BATF: variants seen among roughly 807,000 people sequenced by gnomAD.
BATF encodes the protein basic leucine zipper ATF-like transcription factor, also known as basic leucine zipper transcriptional factor ATF-like.
In BATF, 5 loss-of-function variants were observed where a neutral mutation model predicts 13.7. The observed-to-expected ratio is 0.36, with a 90% CI of 0.19 to 0.77. BATF has a LOEUF of 0.77. Among genes scored for constraint, BATF ranks in the 30% least tolerant of loss-of-function variants. BATF has a pLI of 0.51. For synonymous variants in BATF, 72 were observed against 67.5 expected (o/e 1.07, Z -0.33); for missense variants, 124 against 163.0 (o/e 0.76, Z 1.30).
Position 75,546,467 on chromosome 14 carries a change from C to T in BATF, c.174C>T (p.Ser58=), listed in dbSNP as rs1887987443. The change falls in exon 3 of 3, where the codon AGC becomes AGT. Residue 58 remains serine, a synonymous_variant. Coordinates refer to ENST00000286639, the MANE Select transcript of BATF (RefSeq NM_006399.5). The part of the protein sequence containing the change: ...TQKADTLHLE[S]EDLEKQNAAL... ...GCTGATCCCCACCCCTACAGGAGAG[C>T]GAAGACCTGGAGAAACAGAACGCGG... is the stretch of plus-strand genomic sequence containing the variant. 2 of 1,613,954 alleles carry T rather than the reference C, an allele frequency of 1.2e-6. No homozygotes were observed. The highest frequency in any genetic ancestry group is 2.7e-5 in the African/African-American group (2 of 74,898).
At chr14:75,529,432 G>A (rs553334576) in intron 2 of BATF, among the ~76,000 whole-genome samples, 4 of 152,140 alleles carry the variant, frequency 2.6e-5, no homozygotes, top group Admixed American at 6.5e-5. Flanking sequence ...TCAGGAGTTC[G>A]AGACCAGCCT....
intron 2 of BATF, 44 bp from the exon 3 acceptor site, chr14:75,546,418 C>G: frequency 6.2e-7 from 1 of 1,602,958 alleles, no homozygotes; most frequent in Non-Finnish European, 8.5e-7. Context: ...CACCTTGCCT[C>G]CTTCCTAGAC....
In BATF at chr14:75,546,228, T is replaced by G. The variant is rs112400442; in HGVS notation, c.169-234T>G. On this transcript the variant is annotated intron_variant, in intron 2 of 2. Coordinates refer to ENST00000286639, the MANE Select transcript of BATF (RefSeq NM_006399.5). ...CAGCTTCACGTGGTTCAGCCTCATA[T>G]CTATGTGTATACATGCACACCCACC... Among the ~76,000 whole-genome samples, 284 of 152,274 alleles carry G rather than the reference T, an allele frequency of 1.9e-3. 1 individual carries two copies. Among genetic ancestry groups the G allele is most frequent in the African/African-American group, 6.5e-3 (270 of 41,546 alleles).
rs967563755 is a variant in BATF, at chr14:75,528,671, A to T, written c.168+3483A>T. Among the ~76,000 whole-genome samples, 7 of 152,232 alleles carry T rather than the reference A, an allele frequency of 4.6e-5. No homozygotes were observed. The South Asian group carries it at 1.4e-3, about 32-fold the overall frequency. On this transcript the variant is annotated intron_variant, in intron 2 of 2. Coordinates refer to ENST00000286639, the MANE Select transcript of BATF (RefSeq NM_006399.5). ...CAGACAACTGTAGGGTTCATTGTAT[A>T]TAGTACAGATGTTGATTAAAAAAGA...
chr14:75,538,831 G>A (rs1331628343), intron 2 of BATF, among the ~76,000 whole-genome samples: 1 of 152,198 alleles, frequency 6.6e-6, no homozygotes, highest in Admixed American at 6.5e-5. Flanking sequence ...AACCCGGGAG[G>A]CGGAGCTTGC....
intron 2 of BATF, among the ~76,000 whole-genome samples, chr14:75,543,021 C>T (rs1220655016): frequency 6.6e-6 from 1 of 152,184 alleles, no homozygotes; most frequent in Non-Finnish European, 1.5e-5. Context: ...ACAGAATTTA[C>T]AGTAAATGTT....
In BATF at chr14:75,546,890, A is replaced by G. The variant is rs1186065821; in HGVS notation, c.*219A>G. On this transcript the variant is annotated 3_prime_UTR_variant, in exon 3 of 3. Coordinates refer to ENST00000286639, the MANE Select transcript of BATF (RefSeq NM_006399.5). ...GCTGGACCCCACCACTGTGGGTTGC[A>G]GGCCCAATGCAGAAGAGTATTAAGA... The G allele has an allele frequency of 6.9e-6, 5 of 722,662 alleles. No individual in the cohort carries two copies. Among genetic ancestry groups the G allele is most frequent in the Admixed American group, 2.0e-5 (1 of 50,038 alleles). 44.8% of individuals were successfully genotyped at this position (722,662 alleles called of 1,614,324 possible).
At position 75,522,699 on chromosome 14, in the gene BATF, A is replaced by G. The variant is rs765953220; in HGVS notation, c.17A>G (p.Asp6Gly). 1 of 1,614,158 alleles carries G rather than the reference A, an allele frequency of 6.2e-7. No homozygotes were observed. The highest frequency in any genetic ancestry group is 1.1e-5 in the South Asian group (1 of 91,086). The change falls in exon 1 of 3, where the codon GAC becomes GGC. Residue 6 changes from aspartate (D) to glycine (G), a missense_variant. Asp to Gly is a moderately conservative substitution (Grantham distance 94). Coordinates refer to ENST00000286639, the MANE Select transcript of BATF (RefSeq NM_006399.5). Reference protein sequence around the residue: MPHSSDSSDSSFSRSP... With the variant: MPHSSGSSDSSFSRSP... ...ATTTCAGCCATGCCTCACAGCTCCG[A>G]CAGCAGTGACTCCAGCTTCAGCCGC...
At chr14:75,535,777 A>G (rs1887808055) in intron 2 of BATF, among the ~76,000 whole-genome samples, 1 of 152,214 alleles carries the variant, frequency 6.6e-6, no homozygotes, top group Admixed American at 6.5e-5. Context: ...GAAAGATGAC[A>G]TGAAGCTCTT....
chr14:75,528,227 TGA>T (rs1298169096), intron 2 of BATF, among the ~76,000 whole-genome samples: 2 of 152,242 alleles, frequency 1.3e-5, no homozygotes, highest in African/African-American at 4.8e-5. Flanking sequence ...TGGGAGCTAC[TGA>T]GAGTACCATA....
intron 2 of BATF, among the ~76,000 whole-genome samples, chr14:75,530,526 T>C (rs1887717681): frequency 6.6e-6 from 1 of 152,202 alleles, no homozygotes; most frequent in African/African-American, 2.4e-5. Context: ...GTCCATTCTG[T>C]GGAATATTGC....
rs571347660 is a variant in BATF at position 75,546,181 on chromosome 14, G to A, written c.169-281G>A. 1.8e-4 allele frequency among the ~76,000 whole-genome samples: 28 copies of A among 152,246 alleles called. No individual in the cohort carries two copies. In the South Asian group the frequency reaches 5.6e-3, roughly 30 times the overall value. On this transcript the variant is annotated intron_variant, in intron 2 of 2. Transcript: ENST00000286639. ...CCGGCCTGAAATTGCTATTCTTATA[G>A]GTCACAACAGACAAATATCAGCAGC...
At chr14:75,526,673 T>A (rs1887658909) in intron 2 of BATF, among the ~76,000 whole-genome samples, 1 of 152,236 alleles carries the variant, frequency 6.6e-6, no homozygotes, top group South Asian at 2.1e-4. Flanking sequence ...TTGGAAAGAA[T>A]GAATGAACAG....
At chr14:75,529,855 C>T (rs1384172215) in intron 2 of BATF, among the ~76,000 whole-genome samples, 1 of 151,954 alleles carries the variant, frequency 6.6e-6, no homozygotes, top group Non-Finnish European at 1.5e-5. Flanking sequence ...ACGAGGTCAG[C>T]AGATCGAGAC....
intron 2 of BATF, among the ~76,000 whole-genome samples, chr14:75,543,633 G>A (rs1159263162): frequency 6.6e-6 from 1 of 152,060 alleles, no homozygotes; most frequent in African/African-American, 2.4e-5. Flanking sequence ...GCAGTGGCAT[G>A]ATCATGGCTC....
chr14:75,525,069 G>A lies in BATF; in HGVS notation c.64-15G>A, dbSNP rs769335061. 1.4e-5 allele frequency: 23 copies of A among 1,605,402 alleles called. No homozygotes were observed. The African/African-American group carries it at 1.5e-4, about 10-fold the overall frequency. On this transcript the variant is annotated splice_polypyrimidine_tract_variant and intron_variant, in intron 1 of 2. Transcript: ENST00000286639. ...GATGCAGACCCATGTAATCCTCCCC[G>A]TCTCTGCTTCCCAGGACTCATCTGA...
chr14:75,537,391 AC>A (rs2140039801), intron 2 of BATF, among the ~76,000 whole-genome samples: 1 of 152,186 alleles, frequency 6.6e-6, no homozygotes, highest in South Asian at 2.1e-4. Context: ...TACTCAGCTG[AC>A]CCTTCTTCAT....
At chr14:75,528,490 T>C (rs1284471602) in intron 2 of BATF, among the ~76,000 whole-genome samples, 1 of 152,222 alleles carries the variant, frequency 6.6e-6, no homozygotes, top group Non-Finnish European at 1.5e-5. Flanking sequence ...TTTATGATTG[T>C]GTTATAAATC....
chr14:75,544,457 C>T (rs531181801), intron 2 of BATF, among the ~76,000 whole-genome samples: 45 of 146,056 alleles, frequency 3.1e-4, no homozygotes, highest in Non-Finnish European at 6.0e-5. Context: ...CCCAGCAACT[C>T]GGGAGGTTGA....
Sources: gnomAD v4.1 joint callset for allele counts (sites outside exome capture counted in the v4.1 genomes callset) on GRCh38, gnomAD v4.1.1 for gene constraint, MANE v1.5 for transcripts, NCBI Gene and HGNC (gene_info 2026-07-23, HGNC 2026-07-21) for gene names.